MRPS25: variants seen among roughly 807,000 people sequenced by gnomAD.
MRPS25 encodes mitochondrial ribosomal protein S25, also known as small ribosomal subunit protein mS25.
Under a neutral mutation model 17.3 loss-of-function variants are expected in MRPS25, and 15 were observed. The ratio of observed to expected loss-of-function variants is 0.87; its 90% CI spans 0.58 to 1.34. MRPS25 has a LOEUF of 1.34. Among genes scored for constraint, MRPS25 ranks in the 40% most tolerant of loss-of-function variants. MRPS25 has a pLI of 0.00. For missense variants in MRPS25, 225 were observed against 218.6 expected (o/e 1.03, Z -0.19); for synonymous variants, 94 against 83.3 (o/e 1.13, Z -0.70).
At position 15,051,587 on chromosome 3, in the gene MRPS25, T is replaced by C; in HGVS notation, c.*854A>G. 2 of 985,396 alleles carry C rather than the reference T, an allele frequency of 2.0e-6. No individual in the cohort carries two copies. The highest frequency in any genetic ancestry group is 1.2e-6 in the Non-Finnish European group (1 of 829,920). 61.0% of individuals were successfully genotyped at this position (985,396 alleles called of 1,614,324 possible). A position where few individuals can be genotyped will look rare whatever the true frequency, so the allele number is the denominator to read the frequency against. On this transcript the variant is annotated 3_prime_UTR_variant, in exon 4 of 4. Coordinates refer to ENST00000253686, the MANE Select transcript of MRPS25 (RefSeq NM_022497.5). ...AAGTGACAGTAACATCAGTGTCCTATGAGGAAAGAACAAGGAAGGTGCTCA... is the reference window on the plus strand; with the variant it reads ...AAGTGACAGTAACATCAGTGTCCTACGAGGAAAGAACAAGGAAGGTGCTCA...
downstream of MRPS25, chr3:15,045,666 A>G (rs545074299): frequency 6.5e-6 from 1 of 152,802 alleles, no homozygotes; most frequent in South Asian, 2.1e-4. Flanking sequence ...TTGGTTAAGT[A>G]AAGTCAGCCC....
intron 2 of MRPS25, among the ~76,000 whole-genome samples, chr3:15,057,214 A>G (rs1249941248): frequency 6.6e-6 from 1 of 152,146 alleles, no homozygotes; most frequent in East Asian, 1.9e-4. Flanking sequence ...TTCACAACCC[A>G]ACACAAGGCT....
chr3:15,060,515 CAA>C (rs35071871), intron 1 of MRPS25, among the ~76,000 whole-genome samples: 22 of 81,086 alleles, frequency 2.7e-4, no homozygotes, highest in East Asian at 1.3e-3. Context: ...GGTCCTCTCT[CAA>C]AAAAAAAAAA....
At chr3:15,044,989 A>G (rs1190455673), downstream of MRPS25, 5 of 152,242 alleles carry the variant, frequency 3.3e-5, no homozygotes, top group African/African-American at 9.7e-5. Flanking sequence ...GGCCATTATA[A>G]AATGATGGAA....
chr3:15,053,349 T>G, intron 3 of MRPS25, 31 bp downstream of exon 3: 1 of 1,614,156 alleles, frequency 6.2e-7, no homozygotes, highest in Non-Finnish European at 8.5e-7. Context: ...CTGAGAAGTT[T>G]GTTCCTTCCA....
At chr3:15,047,072 C>T (rs1055883255), downstream of MRPS25, 1 of 152,574 alleles carries the variant, frequency 6.6e-6, no homozygotes, top group Non-Finnish European at 1.5e-5. Flanking sequence ...GTGTTTATAT[C>T]CTCTCCATAT....
intron 3 of MRPS25, 113 bp downstream of exon 3, chr3:15,053,267 G>A: frequency 6.5e-7 from 1 of 1,541,274 alleles, no homozygotes; most frequent in Non-Finnish European, 8.8e-7. Context: ...TTAGTGTCTG[G>A]CGTTCACTGT....
In MRPS25 at chr3:15,049,781, G is replaced by C. The variant is rs1453711192; in HGVS notation, c.*2660C>G. On this transcript the variant is annotated 3_prime_UTR_variant, in exon 4 of 4. Transcript: ENST00000253686. Reference sequence around the variant, plus strand: ...CAGAACTCACTGGCAGGCAGATAGGGCCTCACTCCGTCACCCAGGCTGGAA... The same window carrying C: ...CAGAACTCACTGGCAGGCAGATAGGCCCTCACTCCGTCACCCAGGCTGGAA... 1 of 732,954 alleles carries C rather than the reference G, an allele frequency of 1.4e-6. No homozygotes were observed. Among genetic ancestry groups the C allele is most frequent in the East Asian group, 2.8e-5 (1 of 35,144 alleles). The allele number at this position is 732,954 out of a possible 1,614,324, so 45.4% of individuals were successfully genotyped here.
chr3:15,065,182 C>A lies in MRPS25; in HGVS notation c.13G>T (p.Gly5Cys). 1 of 1,601,910 alleles carries A rather than the reference C, an allele frequency of 6.2e-7. No homozygotes were observed. The highest frequency in any genetic ancestry group is 8.5e-7 in the Non-Finnish European group (1 of 1,174,900). ...AGGGTGCGGCGGATGGGGAAGCGGC[C>A]CTTCATGGGCATGGCGGCAACGGTG... is the stretch of plus-strand genomic sequence containing the variant. MPMKGRFPIRRTLQY... is the reference protein window; with the variant it reads MPMKCRFPIRRTLQY... Residue 5 changes from glycine (G) to cysteine (C), a missense_variant, in exon 1 of 4, where the codon GGC becomes TGC. Transcript: ENST00000253686.
intron 2 of MRPS25, among the ~76,000 whole-genome samples, chr3:15,059,093 A>G (rs2042711081): frequency 6.6e-6 from 1 of 151,058 alleles, no homozygotes; most frequent in Non-Finnish European, 1.5e-5. Flanking sequence ...AACAATCTTG[A>G]GCAAAGGCAT....
chr3:15,062,112 AG>A, intron 1 of MRPS25, among the ~76,000 whole-genome samples: 1 of 123,116 alleles, frequency 8.1e-6, no homozygotes, highest in Non-Finnish European at 1.7e-5. Flanking sequence ...CCGCCCGGCC[AG>A]CCGCCCCATC....
chr3:15,051,226 C>T lies in MRPS25; in HGVS notation c.*1215G>A. Reference sequence around the variant, plus strand: ...CTTGAGACAGTCTTGCTCTGTGGCCCAGGCTGGAGTGCAGTAGCGCACGAT... The same window carrying T: ...CTTGAGACAGTCTTGCTCTGTGGCCTAGGCTGGAGTGCAGTAGCGCACGAT... On this transcript the variant is annotated 3_prime_UTR_variant, in exon 4 of 4. Transcript: ENST00000253686. The T allele has an allele frequency of 1.0e-6, 1 of 966,270 alleles. No homozygotes were observed. Among genetic ancestry groups the T allele is most frequent in the Non-Finnish European group, 1.2e-6 (1 of 812,524 alleles). The allele number at this position is 966,270 out of a possible 1,614,324, so 59.9% of individuals were successfully genotyped here. A position where few individuals can be genotyped will look rare whatever the true frequency, so the allele number is the denominator to read the frequency against.
chr3:15,058,420 A>G (rs1349236860), intron 2 of MRPS25, among the ~76,000 whole-genome samples: 1 of 151,632 alleles, frequency 6.6e-6, no homozygotes, highest in Non-Finnish European at 1.5e-5. Context: ...CGATCTCCTG[A>G]CCTCGTGATC....
In MRPS25 at chr3:15,065,209, CG is replaced by C; in HGVS notation, c.-16del. On this transcript the variant is annotated 5_prime_UTR_variant, in exon 1 of 4. Transcript: ENST00000253686. The stretch of plus-strand genomic sequence containing the variant: ...TTCATGGGCATGGCGGCAACGGTGG[CG>C]GGGCCGACCCCACGGGCCGCGAGCC... 1 of 1,575,174 alleles carries C rather than the reference CG, an allele frequency of 6.3e-7. No homozygotes were observed.
rs893667106 is a variant in MRPS25 at position 15,051,184 on chromosome 3, T to C, written c.*1257A>G. The C allele has an allele frequency of 9.1e-6, 9 of 984,204 alleles. No individual in the cohort carries two copies. The highest frequency in any genetic ancestry group is 4.7e-5 in the South Asian group (1 of 21,274). 61.0% of individuals were successfully genotyped at this position (984,204 alleles called of 1,614,324 possible). ...GTCCTTCACTTTATAATTAAACTTATTTAAAAAATTTTTTTTCTTGAGACA... is the reference window on the plus strand; with the variant it reads ...GTCCTTCACTTTATAATTAAACTTACTTAAAAAATTTTTTTTCTTGAGACA... On this transcript the variant is annotated 3_prime_UTR_variant, in exon 4 of 4. Coordinates refer to ENST00000253686, the MANE Select transcript of MRPS25 (RefSeq NM_022497.5).
At position 15,052,596 on chromosome 3, in the gene MRPS25, G is replaced by T; in HGVS notation, c.367C>A (p.Leu123Ile). The stretch of plus-strand genomic sequence containing the variant: ...GGGCCGAAGTTGGCTGGGTGAGAAA[G>T]CTGCTTTTTCTCCTCCTCCTCTTCC... ...LREEEEEKKQ[L>I]SHPANFGPRK... The change falls in exon 4 of 4, where the codon CTT (leucine) becomes ATT (isoleucine). Residue 123 changes from leucine to isoleucine, a missense_variant. Leu to Ile is a conservative substitution (Grantham distance 5). Coordinates refer to ENST00000253686, the MANE Select transcript of MRPS25 (RefSeq NM_022497.5). The T allele has an allele frequency of 6.2e-7, 1 of 1,614,140 alleles. No individual in the cohort carries two copies. The highest frequency in any genetic ancestry group is 8.5e-7 in the Non-Finnish European group (1 of 1,179,998).
chr3:15,043,235 G>A, downstream of MRPS25: 1 of 362,990 alleles, frequency 2.8e-6, no homozygotes, highest in South Asian at 1.3e-4. Context: ...GCAGATTTTG[G>A]AACAATCTTT....
At chr3:15,042,808 T>C, downstream of MRPS25, 11 of 1,606,630 alleles carry the variant, frequency 6.8e-6, no homozygotes, top group Non-Finnish European at 9.4e-6. Flanking sequence ...AACAGTCTCC[T>C]TTTCTAATGA....
In MRPS25 at chr3:15,052,560, A is replaced by C. The variant is rs2042618750; in HGVS notation, c.403T>G (p.Cys135Gly). ...ACTTCACAGATGCACTCCCGCAGGC[A>C]GTACTTTCGAGGGCCGAAGTTGGCT... ...HPANFGPRKYCLRECICEVEG... is the reference protein window; with the variant it reads ...HPANFGPRKYGLRECICEVEG... Residue 135 changes from cysteine to glycine, a missense_variant, in exon 4 of 4, where the codon TGC (cysteine) becomes GGC (glycine). Transcript: ENST00000253686. The C allele has an allele frequency of 6.2e-7, 1 of 1,614,086 alleles. No homozygotes were observed. The highest frequency in any genetic ancestry group is 8.5e-7 in the Non-Finnish European group (1 of 1,180,044).
Sources: gnomAD v4.1 joint callset for allele counts (sites outside exome capture counted in the v4.1 genomes callset) on GRCh38, gnomAD v4.1.1 for gene constraint, MANE v1.5 for transcripts, NCBI Gene and HGNC (gene_info 2026-07-23, HGNC 2026-07-21) for gene names.